The following DOCK10 variants were observed in gnomAD, a reference collection of about 807,000 sequenced individuals.
The protein encoded by DOCK10 is dedicator of cytokinesis 10.
Under a neutral mutation model 280.1 loss-of-function variants are expected in DOCK10, and 145 were observed. The observed-to-expected ratio is 0.52, with a 90% CI of 0.45 to 0.59. DOCK10 has a LOEUF of 0.59. Among genes scored for constraint, DOCK10 ranks in the 20% least tolerant of loss-of-function variants. DOCK10 has a pLI of 0.00. For synonymous variants in DOCK10, 915 were observed against 942.2 expected (o/e 0.97, Z 0.53); for missense variants, 2,368 against 2,651.7 (o/e 0.89, Z 2.35).
Position 224,916,761 on chromosome 2 carries a change from G to T in DOCK10, c.267C>A (p.Ile89=), listed in dbSNP as rs1168647346. Residue 89 remains isoleucine, a synonymous_variant, in exon 3 of 56, where the codon ATC becomes ATA. Coordinates refer to ENST00000258390, the MANE Select transcript of DOCK10 (RefSeq NM_014689.3). ...DFSAATVSWD[I]RTLYSTVPED... The stretch of plus-strand genomic sequence containing the variant: ...CAGGTACTGTTGAGTACAACGTGCG[G>T]ATATCCCAGGAAACTGTGGCTGCCT... 9 of 1,610,540 alleles carry T rather than the reference G, an allele frequency of 5.6e-6. No individual in the cohort carries two copies. Among genetic ancestry groups the T allele is most frequent in the Non-Finnish European group, 7.6e-6 (9 of 1,178,300 alleles).
At chr2:224,934,372 G>C (rs1002851017) in intron 1 of DOCK10, among the ~76,000 whole-genome samples, 5 of 152,144 alleles carry the variant, frequency 3.3e-5, no homozygotes, top group African/African-American at 1.2e-4. Flanking sequence ...GAATAGATTG[G>C]TGAAATTCAA....
At chr2:225,037,484 T>C (rs1051045227) in intron 1 of DOCK10, among the ~76,000 whole-genome samples, 1 of 152,224 alleles carries the variant, frequency 6.6e-6, no homozygotes, top group Non-Finnish European at 1.5e-5. Flanking sequence ...GATTTGAAGA[T>C]GCTTTTAGAA....
At chr2:224,908,643 C>T (rs1264698107) in intron 3 of DOCK10, among the ~76,000 whole-genome samples, 5 of 152,100 alleles carry the variant, frequency 3.3e-5, no homozygotes, top group African/African-American at 1.2e-4. Flanking sequence ...ACTGCAGGTG[C>T]ACACCATCAT....
intron 50 of DOCK10, chr2:224,784,857 G>A (rs1691627754): frequency 1.0e-6 from 1 of 975,852 alleles, no homozygotes; most frequent in Non-Finnish European, 1.4e-6. Context: ...TATATTGGTT[G>A]CAGAAACCAT....
intron 3 of DOCK10, among the ~76,000 whole-genome samples, chr2:224,900,398 T>G (rs1160112720): frequency 6.6e-6 from 1 of 152,184 alleles, no homozygotes; most frequent in Non-Finnish European, 1.5e-5. Flanking sequence ...TCCCATTTTA[T>G]AGATTAGAGA....
chr2:224,978,005 A>G (rs986494826), intron 1 of DOCK10, among the ~76,000 whole-genome samples: 6 of 152,214 alleles, frequency 3.9e-5, no homozygotes, highest in African/African-American at 1.2e-4. Flanking sequence ...GGACATTTCA[A>G]TTAAGAGTTA....
intron 1 of DOCK10, among the ~76,000 whole-genome samples, chr2:224,974,647 C>T (rs569061105): frequency 2.2e-4 from 33 of 150,800 alleles, no homozygotes; most frequent in South Asian, 6.3e-4. Flanking sequence ...AATTAACAGA[C>T]GTTTTATTAG....
intron 4 of DOCK10, among the ~76,000 whole-genome samples, chr2:224,891,685 G>T (rs77179780): frequency 6.6e-6 from 1 of 152,058 alleles, no homozygotes; most frequent in African/African-American, 2.4e-5. Flanking sequence ...GAATACCAAC[G>T]AAGTCAATAG....
chr2:224,836,296 T>C (rs1461930321), intron 25 of DOCK10, among the ~76,000 whole-genome samples: 1 of 152,202 alleles, frequency 6.6e-6, no homozygotes, highest in Non-Finnish European at 1.5e-5. Flanking sequence ...GACCCTATCT[T>C]AGGGAGCAAA....
intron 18 of DOCK10, among the ~76,000 whole-genome samples, chr2:224,850,275 T>G: frequency 6.6e-6 from 1 of 152,214 alleles, no homozygotes; most frequent in African/African-American, 2.4e-5. Flanking sequence ...TTCACTATTT[T>G]CTGAGTCATC....
rs1357941544 is a variant in DOCK10 at position 224,796,959 on chromosome 2, C to T, written c.4827+5G>A. 6.2e-7 allele frequency: 1 copy of T among 1,611,172 alleles called. No individual in the cohort carries two copies. The highest frequency in any genetic ancestry group is 8.5e-7 in the Non-Finnish European group (1 of 1,178,574). ...ACAGCATTAATGAAAATTGGCAGCA[C>T]TTACTTGTAAGTGGGACCGGACAAT... On this transcript the variant is annotated splice_donor_5th_base_variant and intron_variant, in intron 43 of 55. Transcript: ENST00000258390.
chr2:225,040,941 G>C (rs1347349042), intron 1 of DOCK10, among the ~76,000 whole-genome samples: 1 of 152,186 alleles, frequency 6.6e-6, no homozygotes, highest in African/African-American at 2.4e-5. Context: ...CTGGCACAGA[G>C]TGAGCTAACA....
intron 31 of DOCK10, among the ~76,000 whole-genome samples, chr2:224,812,715 A>G (rs1035897085): frequency 6.6e-6 from 1 of 152,158 alleles, no homozygotes; most frequent in Non-Finnish European, 1.5e-5. Flanking sequence ...GAATTTTGTC[A>G]AAGGCCTTTT....
chr2:224,871,684 C>T (rs192507148), intron 11 of DOCK10, among the ~76,000 whole-genome samples: 1 of 152,124 alleles, frequency 6.6e-6, no homozygotes, highest in Non-Finnish European at 1.5e-5. Flanking sequence ...TGCATTTGTA[C>T]TTCTCTTTCT....
chr2:225,010,002 T>G (rs1313895161), intron 1 of DOCK10, among the ~76,000 whole-genome samples: 2 of 152,158 alleles, frequency 1.3e-5, no homozygotes, highest in African/African-American at 4.8e-5. Flanking sequence ...CATTTTTTCA[T>G]GTGGCTAAGG....
chr2:224,800,249 T>C lies in DOCK10; in HGVS notation c.4408A>G (p.Ile1470Val). 6.2e-7 allele frequency: 1 copy of C among 1,609,334 alleles called. No individual in the cohort carries two copies. Among genetic ancestry groups the C allele is most frequent in the Non-Finnish European group, 8.5e-7 (1 of 1,176,890 alleles). Residue 1470 changes from isoleucine to valine, a missense_variant, in exon 41 of 56, where the codon ATA becomes GTA. Ile to Val is a conservative substitution (Grantham distance 29). Coordinates refer to ENST00000258390, the MANE Select transcript of DOCK10 (RefSeq NM_014689.3). ...DNTMTSNSNEIDIVHHVDTEA... is the reference protein window; with the variant it reads ...DNTMTSNSNEVDIVHHVDTEA... Reference sequence around the variant, plus strand: ...GTGTCTACATGATGCACGATGTCTATTTCATTGGAGTTGCCTATAAAATAC... The same window carrying C: ...GTGTCTACATGATGCACGATGTCTACTTCATTGGAGTTGCCTATAAAATAC...
chr2:224,988,367 A>G (rs1706029763), intron 1 of DOCK10, among the ~76,000 whole-genome samples: 2 of 152,224 alleles, frequency 1.3e-5, no homozygotes, highest in East Asian at 1.9e-4. Flanking sequence ...TACATGCTCA[A>G]TGAATAATAA....
chr2:224,846,659 G>C (rs1266761576), intron 19 of DOCK10, among the ~76,000 whole-genome samples: 1 of 152,086 alleles, frequency 6.6e-6, no homozygotes, highest in Non-Finnish European at 1.5e-5. Flanking sequence ...ACCACACCTA[G>C]ATAATTTTTG....
intron 1 of DOCK10, among the ~76,000 whole-genome samples, chr2:225,000,302 T>C (rs976354453): frequency 6.6e-6 from 1 of 152,182 alleles, no homozygotes; most frequent in African/African-American, 2.4e-5. Flanking sequence ...TGCTGCAGTT[T>C]ATAATGATCT....
Sources: gnomAD v4.1 joint callset for allele counts (sites outside exome capture counted in the v4.1 genomes callset) on GRCh38, gnomAD v4.1.1 for gene constraint, MANE v1.5 for transcripts, NCBI Gene and HGNC (gene_info 2026-07-23, HGNC 2026-07-21) for gene names.